SETD5: variants seen among roughly 807,000 people sequenced by gnomAD.
SETD5 encodes SET domain containing 5, also known as histone-lysine N-methyltransferase SETD5.
SETD5 carries 44 observed loss-of-function variants against 153.3 expected under a neutral mutation model. The ratio of observed to expected loss-of-function variants is 0.29; its 90% CI spans 0.23 to 0.37. The LOEUF (loss-of-function observed/expected upper bound fraction) is 0.37. SETD5 is among the 10% of genes least tolerant of loss of function. SETD5 has a pLI of 1.00. For missense variants in SETD5, 1,544 were observed against 1,768.0 expected, an observed-to-expected ratio of 0.87 and a Z score of 2.27; for synonymous variants, 716 against 645.2, an observed-to-expected ratio of 1.11 and a Z score of -1.66.
intron 20 of SETD5, 83 bp downstream of exon 20, chr3:9,473,620 AT>A: frequency 7.3e-7 from 1 of 1,366,254 alleles, no homozygotes; most frequent in South Asian, 1.4e-5. Flanking sequence ...TTTACCTAAA[AT>A]CTATGGGAAC....
At chr3:9,450,620 T>C (rs2042510538) in intron 16 of SETD5, among the ~76,000 whole-genome samples, 1 of 152,194 alleles carries the variant, frequency 6.6e-6, no homozygotes. Flanking sequence ...ACTTACCTAA[T>C]GCAGAACCTA....
rs937048761 is a variant in SETD5 at position 9,477,408 on chromosome 3, A to G, written c.*1317A>G. ...TTTTTATTTATCTAATTTTGTATTC[A>G]GTTATAACCATGGTAGGGGTAGTGA... On this transcript the variant is annotated 3_prime_UTR_variant, in exon 23 of 23. Transcript: ENST00000402198. 1 of 152,548 alleles carries G rather than the reference A, an allele frequency of 6.6e-6. No individual in the cohort carries two copies. The highest frequency in any genetic ancestry group is 1.5e-5 in the Non-Finnish European group (1 of 68,030). 9.4% of individuals were successfully genotyped at this position (152,548 alleles called of 1,614,324 possible).
At chr3:9,475,025 TA>T in intron 21 of SETD5, 42 bp from the exon 22 acceptor site, 1 of 1,522,144 alleles carries the variant, frequency 6.6e-7, no homozygotes, top group Non-Finnish European at 8.9e-7. Flanking sequence ...TTACTTATTC[TA>T]AGAAGCCAAG....
Position 9,434,375 on chromosome 3 carries a change from T to G in SETD5, c.219T>G (p.Pro73=). 9 of 1,613,984 alleles carry G rather than the reference T, an allele frequency of 5.6e-6. No individual in the cohort carries two copies. The highest frequency in any genetic ancestry group is 7.6e-6 in the Non-Finnish European group (9 of 1,179,888). The change falls in exon 5 of 23, where the codon CCT becomes CCG. Residue 73 remains proline (P), a synonymous_variant. Transcript: ENST00000402198. The surrounding 1 kb of genome is among the most constrained non-coding windows in gnomAD (Gnocchi z 5.6). ...PRSDLNGLPS[P]VEERCGDSPN... ...CTGACCTGAATGGCCTGCCGTCGCC[T>G]GTAGAGGAACGCTGTGGAGACAGCC...
intron 18 of SETD5, among the ~76,000 whole-genome samples, chr3:9,466,969 C>T (rs1294391572): frequency 6.6e-6 from 1 of 152,014 alleles, no homozygotes; most frequent in Non-Finnish European, 1.5e-5. Flanking sequence ...TTTAAGACTG[C>T]AGTGAGCCAT....
chr3:9,420,256 T>A (rs1428465167), intron 1 of SETD5, among the ~76,000 whole-genome samples: 2 of 152,072 alleles, frequency 1.3e-5, no homozygotes, highest in African/African-American at 2.4e-5. Flanking sequence ...TAATAATAAT[T>A]CTGTTATTTA....
chr3:9,421,070 T>TTTA (rs1260214353), intron 1 of SETD5, among the ~76,000 whole-genome samples: 24 of 152,186 alleles, frequency 1.6e-4, no homozygotes, highest in South Asian at 1.5e-3. Flanking sequence ...TTTTTTTTTT[T>TTTA]TTATTGTACA....
In SETD5 at chr3:9,434,505, A is replaced by C. The variant is rs1169768380; in HGVS notation, c.329+20A>C. ...GTGCAGGTAAGATCCTGTTCCATCT[A>C]AATTTAAGTCTGGGTTGCTGGGATT... is the stretch of plus-strand genomic sequence containing the variant. On this transcript the variant is annotated intron_variant, in intron 5 of 22. Coordinates refer to ENST00000402198, the MANE Select transcript of SETD5 (RefSeq NM_001080517.3). The surrounding 1 kb of genome is among the most constrained non-coding windows in gnomAD (Gnocchi z 5.6). 6.2e-7 allele frequency: 1 copy of C among 1,613,570 alleles called. No homozygotes were observed. Among genetic ancestry groups the C allele is most frequent in the Non-Finnish European group, 8.5e-7 (1 of 1,179,750 alleles).
intron 7 of SETD5, among the ~76,000 whole-genome samples, chr3:9,437,769 A>G (rs1050797351): frequency 3.4e-4 from 51 of 152,098 alleles, no homozygotes; most frequent in African/African-American, 1.1e-3. Context: ...TTGGAAGACC[A>G]AGGCAAGTGG....
intron 1 of SETD5, among the ~76,000 whole-genome samples, chr3:9,399,797 T>A (rs1166888637): frequency 1.3e-5 from 2 of 149,908 alleles, no homozygotes; most frequent in African/African-American, 4.9e-5. Flanking sequence ...AAAAGCATAA[T>A]TCCAGCCCTT....
chr3:9,422,549 A>G (rs1045315605), intron 1 of SETD5, among the ~76,000 whole-genome samples: 5 of 152,212 alleles, frequency 3.3e-5, no homozygotes, highest in African/African-American at 9.6e-5. Context: ...TGTTATTACT[A>G]TTGATGTGCT....
chr3:9,407,399 C>T (rs2035872403), intron 1 of SETD5, among the ~76,000 whole-genome samples: 1 of 152,030 alleles, frequency 6.6e-6, no homozygotes, highest in Admixed American at 6.6e-5. Context: ...TGTGGAGTCC[C>T]AGGGGAAGAC....
intron 1 of SETD5, among the ~76,000 whole-genome samples, chr3:9,399,717 T>G (rs1438647930): frequency 6.6e-6 from 1 of 152,090 alleles, no homozygotes; most frequent in Non-Finnish European, 1.5e-5. Context: ...TATTTAGAAT[T>G]TGGTAAATGT....
intron 1 of SETD5, among the ~76,000 whole-genome samples, chr3:9,417,669 T>C (rs1263522831): frequency 1.3e-5 from 2 of 151,838 alleles, no homozygotes; most frequent in East Asian, 3.9e-4. Flanking sequence ...GTATTTTTAG[T>C]AGAGACGGGG....
chr3:9,427,942 TA>T (rs1474783689), intron 2 of SETD5, among the ~76,000 whole-genome samples: 5 of 152,240 alleles, frequency 3.3e-5, no homozygotes, highest in Non-Finnish European at 7.3e-5. Context: ...TTCACTGGTT[TA>T]TGGTCACCAT....
chr3:9,413,804 G>T (rs1575221645), intron 1 of SETD5, among the ~76,000 whole-genome samples: 1 of 152,058 alleles, frequency 6.6e-6, no homozygotes, highest in Non-Finnish European at 1.5e-5. Flanking sequence ...TTGAGACGGA[G>T]TCTGGCTCTG....
At chr3:9,419,578 A>C (rs2124882003) in intron 1 of SETD5, among the ~76,000 whole-genome samples, 1 of 152,286 alleles carries the variant, frequency 6.6e-6, no homozygotes, top group East Asian at 1.9e-4. Flanking sequence ...AAATAAAAAC[A>C]ATTAGTTATA....
intron 13 of SETD5, among the ~76,000 whole-genome samples, chr3:9,446,104 G>A (rs1478446994): frequency 9.3e-5 from 14 of 150,506 alleles, no homozygotes; most frequent in Admixed American, 5.3e-4. Flanking sequence ...TCGCTAACAC[G>A]GTGAAACCTT....
chr3:9,467,782 C>G (rs2125545542), intron 18 of SETD5, among the ~76,000 whole-genome samples: 1 of 152,132 alleles, frequency 6.6e-6, no homozygotes, highest in South Asian at 2.1e-4. Flanking sequence ...CCTGAAAGTC[C>G]CAAGGTAAAG....
Sources: gnomAD v4.1 joint callset for allele counts (sites outside exome capture counted in the v4.1 genomes callset) on GRCh38, gnomAD v4.1.1 for gene constraint, Gnocchi (gnomAD v3.1) non-coding constraint, MANE v1.5 for transcripts, NCBI Gene and HGNC (gene_info 2026-07-23, HGNC 2026-07-21) for gene names.